GGTA1: variants seen among roughly 807,000 people sequenced by gnomAD.
GGTA1 encodes the protein inactive N-acetyllactosaminide alpha-1,3-galactosyltransferase.
In GGTA1, 5 loss-of-function variants were observed where a neutral mutation model predicts 2.6. That is an observed-to-expected ratio of 1.92 (90% CI 1.00 to 4.04). The LOEUF (loss-of-function observed/expected upper bound fraction) is 4.04, where lower values mean the gene tolerates loss of function less well. Ranked by LOEUF, GGTA1 falls within the 30% of genes most tolerant of loss-of-function variation. The probability of loss-of-function intolerance (pLI) is 0.00; values close to 1 mark genes in which losing one functional copy is unlikely to be tolerated. For synonymous variants in GGTA1, 17 were observed against 5.0 expected (o/e 3.38, Z -3.19); for missense variants, 50 against 16.7 (o/e 2.99, Z -3.47).
At position 121,497,644 on chromosome 9, in the gene GGTA1, C is replaced by T. The variant is rs1262679987; in HGVS notation, c.-10+2006G>A. 2.6e-5 allele frequency among the ~76,000 whole-genome samples: 4 copies of T among 152,018 alleles called. No homozygotes were observed. In the East Asian group the frequency reaches 5.8e-4, roughly 22 times the overall value. ...GCAGAATGGGGACAGAGACTGAGTCCGTTCTGACATAGAAGTAGCAACAAG... is the reference window on the plus strand; with the variant it reads ...GCAGAATGGGGACAGAGACTGAGTCTGTTCTGACATAGAAGTAGCAACAAG... On this transcript the variant is annotated intron_variant, in intron 1 of 5. Transcript: ENST00000481799.
rs574536924 is a variant in GGTA1, at chr9:121,492,567, G to A, written c.-10+7083C>T. ...TGGCTTACTACAACCTCCACGTCCC[G>A]GGTTCAAGTGATTCTCCTGCCTCAG... On this transcript the variant is annotated intron_variant, in intron 1 of 5. Transcript: ENST00000481799. Among the ~76,000 whole-genome samples, 10 of 152,184 alleles carry A rather than the reference G, an allele frequency of 6.6e-5. No individual in the cohort carries two copies. The South Asian group carries it at 1.7e-3, about 25-fold the overall frequency.
At chr9:121,493,721 C>A (rs905613324) in intron 1 of GGTA1, among the ~76,000 whole-genome samples, 1 of 149,306 alleles carries the variant, frequency 6.7e-6, no homozygotes, top group Non-Finnish European at 1.5e-5. Flanking sequence ...GATACCCCAT[C>A]CTCCTTCAGC....
In GGTA1 at chr9:121,464,738, T is replaced by G. The variant is rs577499865; in HGVS notation, c.81-1410A>C. ...CATGATCACCACTATCATGAATATTTCATCATAATTTTGAAGGCTTCCTCT... is the reference window on the plus strand; with the variant it reads ...CATGATCACCACTATCATGAATATTGCATCATAATTTTGAAGGCTTCCTCT... On this transcript the variant is annotated intron_variant, in intron 2 of 5. Transcript: ENST00000481799. Among the ~76,000 whole-genome samples the G allele has an allele frequency of 4.6e-5, 7 of 152,360 alleles. No individual in the cohort carries two copies. The East Asian group carries it at 1.2e-3, about 25-fold the overall frequency.
rs935812960 is a variant in GGTA1 at position 121,448,836 on chromosome 9, A to T, written c.*119-1239T>A. Among the ~76,000 whole-genome samples the T allele has an allele frequency of 3.9e-5, 6 of 152,202 alleles. No homozygotes were observed. The East Asian group carries it at 5.8e-4, about 15-fold the overall frequency. ...GACATATCACTATCACCCAACATCC[A>T]TAGTTTACATTAGGGTTCACTCTTG... On this transcript the variant is annotated intron_variant and NMD_transcript_variant, in intron 7 of 7. Coordinates refer to the GGTA1 transcript ENST00000481534.
chr9:121,459,184 T>C (rs1189120501), intron 5 of GGTA1, among the ~76,000 whole-genome samples: 2 of 152,154 alleles, frequency 1.3e-5, no homozygotes, highest in Non-Finnish European at 2.9e-5. Flanking sequence ...AGGCTGGGCA[T>C]GGTGGCTCAC....
chr9:121,490,884 G>C (rs571839023), intron 1 of GGTA1, among the ~76,000 whole-genome samples: 1 of 152,226 alleles, frequency 6.6e-6, no homozygotes, highest in African/African-American at 2.4e-5. Flanking sequence ...CTTCTCATTT[G>C]CTACTCAATG....
At chr9:121,464,629 AC>A (rs1255149051) in intron 2 of GGTA1, among the ~76,000 whole-genome samples, 38 of 2,222 alleles carry the variant, frequency 0.017, no homozygotes, top group African/African-American at 0.03. Flanking sequence ...AAAAACAAAA[AC>A]AAAACAAAAC....
chr9:121,488,018 C>T (rs1828796982), intron 1 of GGTA1, among the ~76,000 whole-genome samples: 1 of 152,096 alleles, frequency 6.6e-6, no homozygotes, highest in South Asian at 2.1e-4. Flanking sequence ...GCCAGGCCTA[C>T]CAGGTATAGA....
chr9:121,480,931 A>G (rs1828629640), intron 1 of GGTA1, among the ~76,000 whole-genome samples: 1 of 152,004 alleles, frequency 6.6e-6, no homozygotes, highest in Non-Finnish European at 1.5e-5. Context: ...AGGCGGGTGG[A>G]CCATGAGGTC....
intron 1 of GGTA1, among the ~76,000 whole-genome samples, chr9:121,477,369 G>A (rs1369700742): frequency 1.3e-5 from 2 of 152,208 alleles, no homozygotes; most frequent in Non-Finnish European, 2.9e-5. Context: ...CAGTCAAAGA[G>A]TATGTAGCCC....
intron 5 of GGTA1, among the ~76,000 whole-genome samples, chr9:121,458,493 G>A (rs953710529): frequency 6.6e-6 from 1 of 151,906 alleles, no homozygotes; most frequent in Non-Finnish European, 1.5e-5. Flanking sequence ...CAGGCGTGGT[G>A]GCGCATGCCT....
At chr9:121,449,785 A>G (rs1453655403) in intron 7 of GGTA1, among the ~76,000 whole-genome samples, 1 of 137,292 alleles carries the variant, frequency 7.3e-6, no homozygotes, top group African/African-American at 2.7e-5. Flanking sequence ...AGTTGCAGTG[A>G]GCTGAGATGG....
chr9:121,482,661 C>G (rs1828676555), intron 1 of GGTA1, among the ~76,000 whole-genome samples: 1 of 152,120 alleles, frequency 6.6e-6, no homozygotes. Flanking sequence ...CCCAGCTACT[C>G]AGGAGGCTGA....
intron 1 of GGTA1, among the ~76,000 whole-genome samples, chr9:121,491,533 C>G (rs1828868073): frequency 6.6e-6 from 1 of 152,162 alleles, no homozygotes; most frequent in Non-Finnish European, 1.5e-5. Flanking sequence ...GGCCACCTCC[C>G]TGGCCAGGAT....
chr9:121,491,347 G>A (rs1049965587), intron 1 of GGTA1, among the ~76,000 whole-genome samples: 6 of 152,104 alleles, frequency 3.9e-5, no homozygotes, highest in Non-Finnish European at 7.4e-5. Context: ...ATCACCCTTC[G>A]CCCTAGGCTT....
chr9:121,464,282 T>C (rs1463163893), intron 2 of GGTA1, among the ~76,000 whole-genome samples: 2 of 151,506 alleles, frequency 1.3e-5, no homozygotes, highest in Admixed American at 6.6e-5. Context: ...TGCAGAACAA[T>C]GGATCCTCCT....
intron 1 of GGTA1, chr9:121,494,823 A>G (rs1297819829): frequency 6.6e-6 from 1 of 152,634 alleles, no homozygotes; most frequent in Non-Finnish European, 1.5e-5. Flanking sequence ...CTCATCTTTT[A>G]CAAATAAAGG....
chr9:121,494,409 G>A (rs1322377209), intron 1 of GGTA1: 1 of 152,246 alleles, frequency 6.6e-6, no homozygotes, highest in Admixed American at 6.5e-5. Flanking sequence ...TGGTCTCCTC[G>A]CCACATTTGG....
At chr9:121,466,990 G>A (rs1477147532) in intron 2 of GGTA1, among the ~76,000 whole-genome samples, 3 of 150,428 alleles carry the variant, frequency 2.0e-5, no homozygotes, top group African/African-American at 7.3e-5. Flanking sequence ...AGAGATATTC[G>A]AATGTTAATC....
Sources: allele counts gnomAD v4.1 joint callset (sites outside exome capture counted in the v4.1 genomes callset), GRCh38; gene constraint gnomAD v4.1.1; transcripts MANE v1.5; gene names NCBI Gene and HGNC (gene_info 2026-07-23, HGNC 2026-07-21).